Variants in BBOX1 observed in about 807,000 individuals in gnomAD.
BBOX1 encodes the protein gamma-butyrobetaine hydroxylase 1.
A neutral mutation model predicts 41.6 loss-of-function variants in BBOX1; 35 were observed. The ratio of observed to expected loss-of-function variants is 0.84; its 90% CI spans 0.64 to 1.11. The LOEUF (loss-of-function observed/expected upper bound fraction) is 1.11, where lower values mean the gene tolerates loss of function less well. Ranked by LOEUF, BBOX1 falls within the 50% of genes most tolerant of loss-of-function variation. The probability of loss-of-function intolerance (pLI) is 0.00; values close to 1 mark genes in which losing one functional copy is unlikely to be tolerated. For synonymous variants in BBOX1, 163 were observed against 154.7 expected (o/e 1.05, Z -0.40); for missense variants, 458 against 460.6 (o/e 0.99, Z 0.05).
At chr11:27,105,811 G>T (rs1012072459) in intron 5 of BBOX1, among the ~76,000 whole-genome samples, 32 of 152,064 alleles carry the variant, frequency 2.1e-4, no homozygotes, top group African/African-American at 7.0e-4. Flanking sequence ...AAGTTGAAAT[G>T]AAGGAAAAAA....
At chr11:27,048,988 A>C (rs184953293) in intron 2 of BBOX1, among the ~76,000 whole-genome samples, 6 of 146,442 alleles carry the variant, frequency 4.1e-5, no homozygotes. Flanking sequence ...ATGAGTGAGA[A>C]TATGCGGTGT....
Position 27,127,717 on chromosome 11 carries a change from C to A in BBOX1, c.*264C>A. 2.9e-6 allele frequency: 1 copy of A among 347,624 alleles called. No individual in the cohort carries two copies. 21.5% of individuals were successfully genotyped at this position (347,624 alleles called of 1,614,324 possible). ...TTCTTTTGCCCATATATGAGTATCT[C>A]CAGAATGTCTACAAATAGTTTTTGT... On this transcript the variant is annotated 3_prime_UTR_variant, in exon 9 of 9. Transcript: ENST00000263182.
intron 4 of BBOX1, among the ~76,000 whole-genome samples, chr11:27,071,841 G>A (rs1857460166): frequency 6.6e-6 from 1 of 152,100 alleles, no homozygotes; most frequent in South Asian, 2.1e-4. Flanking sequence ...CTCAATAGAT[G>A]CAGAAAAGGC....
intron 2 of BBOX1, among the ~76,000 whole-genome samples, chr11:27,045,016 G>C (rs1177659890): frequency 6.6e-6 from 1 of 152,068 alleles, no homozygotes; most frequent in South Asian, 2.1e-4. Flanking sequence ...AAATTACCTT[G>C]GGCAGTATGG....
At chr11:27,072,124 T>A (rs1209395254) in intron 4 of BBOX1, among the ~76,000 whole-genome samples, 3 of 152,154 alleles carry the variant, frequency 2.0e-5, no homozygotes, top group African/African-American at 7.2e-5. Flanking sequence ...AAAGAGGAAG[T>A]CAAATTGTCC....
At chr11:27,077,928 C>T (rs1272000095) in intron 4 of BBOX1, among the ~76,000 whole-genome samples, 3 of 151,950 alleles carry the variant, frequency 2.0e-5, no homozygotes, top group Admixed American at 6.6e-5. Context: ...AAGGGCAATC[C>T]CCCTGAGGCT....
chr11:27,083,090 G>A (rs1190228877), intron 4 of BBOX1, among the ~76,000 whole-genome samples: 4 of 151,996 alleles, frequency 2.6e-5, no homozygotes, highest in Non-Finnish European at 5.9e-5. Context: ...AGAGTTTTAT[G>A]GGGTTACCAC....
chr11:27,094,273 A>G (rs888753229), intron 5 of BBOX1, among the ~76,000 whole-genome samples: 77 of 151,908 alleles, frequency 5.1e-4, no homozygotes, highest in African/African-American at 1.8e-3. Context: ...GTATAACTGT[A>G]TTTCTTTAGA....
At chr11:27,106,842 A>G (rs1213857982) in intron 5 of BBOX1, among the ~76,000 whole-genome samples, 1 of 152,178 alleles carries the variant, frequency 6.6e-6, no homozygotes, top group African/African-American at 2.4e-5. Context: ...TTGGAAGTAA[A>G]GCACCCCTCA....
At chr11:27,108,694 A>G (rs760278470) in intron 5 of BBOX1, among the ~76,000 whole-genome samples, 1 of 152,070 alleles carries the variant, frequency 6.6e-6, no homozygotes, top group African/African-American at 2.4e-5. Flanking sequence ...TCATGGCCAC[A>G]TATGGATGGC....
intron 2 of BBOX1, among the ~76,000 whole-genome samples, chr11:27,051,743 CAA>C (rs969345625): frequency 6.6e-6 from 1 of 151,738 alleles, no homozygotes; most frequent in African/African-American, 2.4e-5. Context: ...TTCTACCTTT[CAA>C]AAAAGTTTTA....
intron 4 of BBOX1, among the ~76,000 whole-genome samples, chr11:27,058,408 A>G (rs969462461): frequency 1.3e-5 from 2 of 152,210 alleles, no homozygotes; most frequent in Non-Finnish European, 2.9e-5. Context: ...ATTGGTCCTG[A>G]GAAGTGAGGC....
intron 2 of BBOX1, among the ~76,000 whole-genome samples, chr11:27,053,216 A>T (rs887666213): frequency 3.3e-5 from 5 of 152,228 alleles, no homozygotes; most frequent in Non-Finnish European, 5.9e-5. Context: ...CACAAAGAAG[A>T]TACTTATTAT....
In BBOX1 at chr11:27,088,730, T is replaced by C. The variant is rs1415187718; in HGVS notation, c.335-4438T>C. ...ATTTTATATGCAGTTGTTAAAATTA[T>C]AGATTTTTGAATCAGTCACTTGGAT... On this transcript the variant is annotated intron_variant, in intron 4 of 8. Transcript: ENST00000263182. Among the ~76,000 whole-genome samples, 3 of 152,058 alleles carry C rather than the reference T, an allele frequency of 2.0e-5. No individual in the cohort carries two copies. The East Asian group carries it at 5.8e-4, about 29-fold the overall frequency.
At chr11:27,060,191 C>T (rs547834854) in intron 4 of BBOX1, among the ~76,000 whole-genome samples, 5 of 152,238 alleles carry the variant, frequency 3.3e-5, no homozygotes, top group African/African-American at 1.2e-4. Flanking sequence ...TTGTTTAGCA[C>T]CATCCTGTTG....
chr11:27,097,328 C>G (rs1858474620), intron 5 of BBOX1, among the ~76,000 whole-genome samples: 1 of 151,956 alleles, frequency 6.6e-6, no homozygotes, highest in South Asian at 2.1e-4. Flanking sequence ...CATTGGGAAA[C>G]AGTTATTGTA....
chr11:27,092,758 C>A (rs916280155), intron 4 of BBOX1, among the ~76,000 whole-genome samples: 1 of 151,602 alleles, frequency 6.6e-6, no homozygotes, highest in Non-Finnish European at 1.5e-5. Flanking sequence ...ATATGCTGTT[C>A]TAATCTACCA....
chr11:27,059,943 T>A (rs1370404238), intron 4 of BBOX1, among the ~76,000 whole-genome samples: 3 of 152,210 alleles, frequency 2.0e-5, no homozygotes, highest in African/African-American at 7.2e-5. Flanking sequence ...CTGTCTTAGA[T>A]GAAACTTTAA....
Position 27,056,935 on chromosome 11 carries a change from G to A in BBOX1, c.220-266G>A, listed in dbSNP as rs539642642. 5.2e-4 allele frequency among the ~76,000 whole-genome samples: 79 copies of A among 150,974 alleles called. 1 individual carries two copies. The South Asian group carries it at 0.01, about 20-fold the overall frequency. On this transcript the variant is annotated intron_variant, in intron 3 of 8. Coordinates refer to ENST00000263182, the MANE Select transcript of BBOX1 (RefSeq NM_003986.3). ...CAAAAAATTAGCCAGGCGTGGTGTC[G>A]CGTGCCTGTAATCCCAGCTACTTGG... is the stretch of plus-strand genomic sequence containing the variant.
Sources: allele counts gnomAD v4.1 joint callset (sites outside exome capture counted in the v4.1 genomes callset), GRCh38; gene constraint gnomAD v4.1.1; transcripts MANE v1.5; gene names NCBI Gene and HGNC (gene_info 2026-07-23, HGNC 2026-07-21).